Variants in PHACTR3 observed in about 807,000 individuals in gnomAD.
PHACTR3 encodes the protein protein phosphatase 1, regulatory subunit 123.
Under a neutral mutation model 66.8 loss-of-function variants are expected in PHACTR3, and 16 were observed. The ratio of observed to expected loss-of-function variants is 0.24; its 90% confidence interval spans 0.16 to 0.36. PHACTR3 has a LOEUF of 0.36. PHACTR3 is among the 10% of genes least tolerant of loss of function. The pLI is 1.00. For missense variants in PHACTR3, 647 were observed against 719.9 expected (o/e 0.90, Z 1.16); for synonymous variants, 323 against 292.1 (o/e 1.11, Z -1.08).
intron 8 of PHACTR3, among the ~76,000 whole-genome samples, chr20:59,819,159 C>T (rs2041963795): frequency 6.6e-6 from 1 of 152,130 alleles, no homozygotes; most frequent in Non-Finnish European, 1.5e-5. Flanking sequence ...AATCCCAGAA[C>T]TTTGGGAAGC....
intron 7 of PHACTR3, among the ~76,000 whole-genome samples, chr20:59,783,790 C>T (rs2146932422): frequency 6.6e-6 from 1 of 152,304 alleles, no homozygotes; most frequent in Middle Eastern, 3.4e-3. Context: ...GAGGCAGGAG[C>T]CCCCAGGAGG....
chr20:59,700,815 G>T (rs2037476863), intron 1 of PHACTR3, among the ~76,000 whole-genome samples: 1 of 151,978 alleles, frequency 6.6e-6, no homozygotes, highest in Non-Finnish European at 1.5e-5. Context: ...TTTGAGACAG[G>T]GGCTTGCTCC....
chr20:59,653,063 A>G (rs1018280099), intron 1 of PHACTR3, among the ~76,000 whole-genome samples: 4 of 152,208 alleles, frequency 2.6e-5, no homozygotes, highest in African/African-American at 7.2e-5. Flanking sequence ...TCTGAATTTT[A>G]AAGTGTGTAA....
rs190596450 is a variant in PHACTR3, at chr20:59,713,851, C to T, written c.119-29256C>T. 1.4e-4 allele frequency among the ~76,000 whole-genome samples: 21 copies of T among 152,044 alleles called. No individual in the cohort carries two copies. The East Asian group carries it at 3.3e-3, about 24-fold the overall frequency. On this transcript the variant is annotated intron_variant, in intron 1 of 12. Coordinates refer to ENST00000371015, the MANE Select transcript of PHACTR3 (RefSeq NM_080672.5). ...ACAGTATTCCAAAATGTTTGAACCA[C>T]GGTCAACTCCCACAGCAGCATGGAA...
intron 7 of PHACTR3, among the ~76,000 whole-genome samples, chr20:59,780,579 C>T (rs2040689687): frequency 6.6e-6 from 1 of 152,164 alleles, no homozygotes; most frequent in Admixed American, 6.5e-5. Context: ...TTCCAAGACC[C>T]TACCCCCCGA....
At chr20:59,624,231 C>T (rs2034366211) in intron 1 of PHACTR3, among the ~76,000 whole-genome samples, 1 of 152,190 alleles carries the variant, frequency 6.6e-6, no homozygotes, top group Non-Finnish European at 1.5e-5. Flanking sequence ...CCAAGTACAG[C>T]ATGCACCAAC....
chr20:59,731,619 C>T (rs1458617003), intron 1 of PHACTR3, among the ~76,000 whole-genome samples: 3 of 152,194 alleles, frequency 2.0e-5, no homozygotes, highest in African/African-American at 7.2e-5. Flanking sequence ...TGATACTAAA[C>T]AGATGGGCTT....
chr20:59,759,408 C>G (rs1306784791), intron 4 of PHACTR3, among the ~76,000 whole-genome samples: 1 of 152,196 alleles, frequency 6.6e-6, no homozygotes, highest in Non-Finnish European at 1.5e-5. Flanking sequence ...TGTGCAGTTT[C>G]TTTTCAGTCA....
chr20:59,776,980 A>G (rs946361), intron 7 of PHACTR3, among the ~76,000 whole-genome samples: 148,523 of 152,320 alleles, frequency 0.98, 72,442 homozygotes, highest in East Asian at 1. Flanking sequence ...CTGCTGGGTG[A>G]CTTATGACCA....
intron 5 of PHACTR3, among the ~76,000 whole-genome samples, chr20:59,768,959 G>A (rs1371270697): frequency 1.3e-5 from 2 of 152,344 alleles, no homozygotes; most frequent in East Asian, 3.9e-4. Flanking sequence ...GGTTCCCCAA[G>A]TAGTATTGGT....
intron 1 of PHACTR3, among the ~76,000 whole-genome samples, chr20:59,584,168 G>A (rs2032947267): frequency 6.6e-6 from 1 of 152,240 alleles, no homozygotes. Flanking sequence ...CTTGGGTGGT[G>A]CCCTTAAGGA....
intron 3 of PHACTR3, among the ~76,000 whole-genome samples, chr20:59,751,625 C>T (rs1397289882): frequency 6.6e-6 from 1 of 152,072 alleles, no homozygotes; most frequent in Non-Finnish European, 1.5e-5. Context: ...TGAGTTTGCT[C>T]CCTCTGGGGT....
At chr20:59,827,026 C>T (rs2042213652) in intron 8 of PHACTR3, among the ~76,000 whole-genome samples, 1 of 152,130 alleles carries the variant, frequency 6.6e-6, no homozygotes, top group Admixed American at 6.5e-5. Context: ...TCCCATAGTT[C>T]TCAGGCACCA....
rs746993446 is a variant in PHACTR3 at position 59,841,291 on chromosome 20, TTTTTGTTTTG to T, written c.1447-94_1447-85del. The T allele has an allele frequency of 5.7e-6, 7 of 1,230,114 alleles. No homozygotes were observed. In the East Asian group the frequency reaches 1.2e-4, roughly 21 times the overall value. 76.2% of individuals were successfully genotyped at this position (1,230,114 alleles called of 1,614,324 possible). ...GGTTATATTTTCCAGTTTCAGGTTT[TTTTTGTTTTG>T]TTTTGTTTTTTAAGAGAAGTGCTGT... On this transcript the variant is annotated intron_variant, in intron 10 of 12. Coordinates refer to ENST00000371015, the MANE Select transcript of PHACTR3 (RefSeq NM_080672.5).
chr20:59,706,568 G>C (rs564810249), intron 1 of PHACTR3, among the ~76,000 whole-genome samples: 1 of 152,204 alleles, frequency 6.6e-6, no homozygotes, highest in African/African-American at 2.4e-5. Context: ...TGCTGCTCCC[G>C]GTTCCTGCCT....
In PHACTR3 at chr20:59,830,213, A is replaced by AGAAGAGGGTGTGAGTGTCTGATG. The variant is rs1568864646; in HGVS notation, c.1329-6284_1329-6283insTGTGAGTGTCTGATGGAAGAGGG. Among the ~76,000 whole-genome samples, 6 of 143,326 alleles carry AGAAGAGGGTGTGAGTGTCTGATG rather than the reference A, an allele frequency of 4.2e-5. No individual in the cohort carries two copies. The highest frequency in any genetic ancestry group is 1.7e-4 in the African/African-American group (6 of 34,628). The allele number at this position is 143,326 out of a possible 152,430, so 94.0% of individuals were successfully genotyped here. ...ATGGAAGAGGGTATGAGTGTCTGAT[A>AGAAGAGGGTGTGAGTGTCTGATG]GAAGAGGGCGTGAGTGTCTGATGGA... is the stretch of plus-strand genomic sequence containing the variant. On this transcript the variant is annotated intron_variant, in intron 8 of 12. Coordinates refer to ENST00000371015, the MANE Select transcript of PHACTR3 (RefSeq NM_080672.5). The surrounding 1 kb of genome is among the most constrained non-coding windows in gnomAD (Gnocchi z 5.8).
intron 1 of PHACTR3, among the ~76,000 whole-genome samples, chr20:59,618,776 G>A (rs1248266428): frequency 6.6e-6 from 1 of 151,648 alleles, no homozygotes; most frequent in Non-Finnish European, 1.5e-5. Flanking sequence ...CCCTGAGCAG[G>A]GCCGAGAGCC....
chr20:59,596,625 T>C (rs1161060724), intron 1 of PHACTR3, among the ~76,000 whole-genome samples: 6 of 152,258 alleles, frequency 3.9e-5, no homozygotes, highest in Admixed American at 1.3e-4. Context: ...AACATTTTAT[T>C]GTCTGATAAC....
chr20:59,681,267 C>T (rs1241810337), intron 1 of PHACTR3, among the ~76,000 whole-genome samples: 1 of 152,190 alleles, frequency 6.6e-6, no homozygotes, highest in African/African-American at 2.4e-5. Context: ...TCCACACGTA[C>T]ACACATGTGC....
Sources: gnomAD v4.1 joint callset for allele counts (sites outside exome capture counted in the v4.1 genomes callset) on GRCh38, gnomAD v4.1.1 for gene constraint, Gnocchi (gnomAD v3.1) non-coding constraint, MANE v1.5 for transcripts, NCBI Gene and HGNC (gene_info 2026-07-23, HGNC 2026-07-21) for gene names.